Variants in DOP1B observed in about 807,000 individuals in gnomAD.
The protein encoded by DOP1B is protein DOP1B.
A neutral mutation model predicts 233.5 loss-of-function variants in DOP1B; 174 were observed. The ratio of observed to expected loss-of-function variants is 0.75; its 90% confidence interval spans 0.66 to 0.85. The LOEUF is 0.85. Ranked by LOEUF, DOP1B falls within the 40% of genes least tolerant of loss-of-function variation. DOP1B has a pLI of 0.00. For synonymous variants in DOP1B, 1,190 were observed against 1,185.6 expected (o/e 1.00, Z -0.08); for missense variants, 2,652 against 2,846.6 (o/e 0.93, Z 1.56).
At chr21:36,201,342 A>ATTT (rs1187890925) in intron 4 of DOP1B, among the ~76,000 whole-genome samples, 4 of 46,970 alleles carry the variant, frequency 8.5e-5, no homozygotes, top group Admixed American at 2.2e-4. Flanking sequence ...TATCTATTGG[A>ATTT]TTCTTTTTTT....
At chr21:36,283,156 A>G (rs2067437795) in intron 32 of DOP1B, among the ~76,000 whole-genome samples, 1 of 151,500 alleles carries the variant, frequency 6.6e-6, no homozygotes, top group African/African-American at 2.4e-5. Context: ...GTCTCGCCTC[A>G]TTGAAACCTC....
intron 2 of DOP1B, among the ~76,000 whole-genome samples, chr21:36,183,417 C>G (rs1276356501): frequency 1.3e-5 from 2 of 152,222 alleles, no homozygotes; most frequent in African/African-American, 4.8e-5. Context: ...TTCTTTACAG[C>G]CACACATGTC....
chr21:36,255,137 T>A (rs941811866), intron 23 of DOP1B, among the ~76,000 whole-genome samples: 36 of 151,694 alleles, frequency 2.4e-4, no homozygotes, highest in Non-Finnish European at 4.0e-4. Context: ...TGTTTTGTTT[T>A]GTTTAGTTTT....
intron 30 of DOP1B, among the ~76,000 whole-genome samples, chr21:36,278,993 G>A (rs2067384964): frequency 1.3e-5 from 2 of 152,012 alleles, no homozygotes; most frequent in South Asian, 2.1e-4. Context: ...TGACCCTGGG[G>A]GTGTCTTTAC....
chr21:36,178,118 G>A (rs376118964), intron 2 of DOP1B, among the ~76,000 whole-genome samples: 18 of 152,254 alleles, frequency 1.2e-4, no homozygotes, highest in African/African-American at 4.1e-4. Flanking sequence ...GTATATCAAG[G>A]TAGGATCTTT....
intron 2 of DOP1B, among the ~76,000 whole-genome samples, chr21:36,193,088 G>A (rs1601399790): frequency 1.3e-5 from 2 of 152,284 alleles, no homozygotes; most frequent in Middle Eastern, 6.8e-3. Flanking sequence ...GTTGTCTTTG[G>A]GTACAGGGCA....
Position 36,245,411 on chromosome 21 carries a change from G to T in DOP1B, c.3431G>T (p.Cys1144Phe). 1 of 1,614,048 alleles carries T rather than the reference G, an allele frequency of 6.2e-7. No individual in the cohort carries two copies. Among genetic ancestry groups the T allele is most frequent in the East Asian group, 2.2e-5 (1 of 44,886 alleles). The part of the protein sequence containing the change: ...DLQELSNEEN[C>F]CAPIPMGGRA... Reference sequence around the variant, plus strand: ...CAGGAGCTGAGCAACGAAGAGAACTGCTGTGCACCCATCCCCATGGGGGGC... The same window carrying T: ...CAGGAGCTGAGCAACGAAGAGAACTTCTGTGCACCCATCCCCATGGGGGGC... The change falls in exon 19 of 37, where the codon TGC becomes TTC. Residue 1144 changes from cysteine to phenylalanine, a missense_variant. Cys to Phe is a radical substitution (Grantham distance 205). This residue lies in a region of DOP1B where 2,617 missense variants were observed against 2,794.3 expected (regional missense o/e 0.94). Transcript: ENST00000691173. The surrounding 1 kb of genome is among the most constrained non-coding windows in gnomAD (Gnocchi z 5.5).
chr21:36,180,765 C>T (rs922002016), intron 2 of DOP1B, among the ~76,000 whole-genome samples: 1 of 151,978 alleles, frequency 6.6e-6, no homozygotes, highest in South Asian at 2.1e-4. Flanking sequence ...CCTGTAATCC[C>T]AGCTACTTGA....
rs2067584254 is a variant in DOP1B at position 36,293,649 on chromosome 21, G to A, written c.*78G>A. 6.7e-7 allele frequency: 1 copy of A among 1,487,188 alleles called. No individual in the cohort carries two copies. The highest frequency in any genetic ancestry group is 9.2e-7 in the Non-Finnish European group (1 of 1,083,820). The allele number at this position is 1,487,188 out of a possible 1,614,324, so 92.1% of individuals were successfully genotyped here. A position where few individuals can be genotyped will look rare whatever the true frequency, so the allele number is the denominator to read the frequency against. On this transcript the variant is annotated 3_prime_UTR_variant, in exon 37 of 37. Coordinates refer to ENST00000691173, the MANE Select transcript of DOP1B (RefSeq NM_001320714.2). ...AGGTTATATTCTAAAGAAGAAAGAAGGCAGGATAGTGCTTTTGAACAAGCC... is the reference window on the plus strand; with the variant it reads ...AGGTTATATTCTAAAGAAGAAAGAAAGCAGGATAGTGCTTTTGAACAAGCC...
chr21:36,241,570 G>A (rs2066891914), intron 18 of DOP1B, among the ~76,000 whole-genome samples: 2 of 137,218 alleles, frequency 1.5e-5, no homozygotes, highest in Admixed American at 7.7e-5. Context: ...GTGCAGTGGT[G>A]CAATCTCGGC....
intron 14 of DOP1B, among the ~76,000 whole-genome samples, chr21:36,231,655 GT>G (rs1168419039): frequency 6.7e-6 from 1 of 149,148 alleles, no homozygotes; most frequent in Non-Finnish European, 1.5e-5. Flanking sequence ...TGTTGATAAA[GT>G]TTTTTTTGTG....
In DOP1B at chr21:36,245,992, A is replaced by C; in HGVS notation, c.4012A>C (p.Ile1338Leu). 1 of 1,614,082 alleles carries C rather than the reference A, an allele frequency of 6.2e-7. No homozygotes were observed. Among genetic ancestry groups the C allele is most frequent in the East Asian group, 2.2e-5 (1 of 44,866 alleles). The change falls in exon 19 of 37, where the codon ATT becomes CTT. Residue 1338 changes from isoleucine to leucine, a missense_variant. Ile to Leu is a conservative substitution (Grantham distance 5, BLOSUM62 2). This residue lies in a region of DOP1B where 2,617 missense variants were observed against 2,794.3 expected (regional missense o/e 0.94). Coordinates refer to ENST00000691173, the MANE Select transcript of DOP1B (RefSeq NM_001320714.2). The surrounding 1 kb of genome is among the most constrained non-coding windows in gnomAD (Gnocchi z 5.5). Reference sequence around the variant, plus strand: ...CTATTTGAAGGTCTCGCACCGAGACATTCTCGGCAACCGGGACGTGCAGGT... The same window carrying C: ...CTATTTGAAGGTCTCGCACCGAGACCTTCTCGGCAACCGGGACGTGCAGGT... The part of the protein sequence containing the change: ...PCYLKVSHRD[I>L]LGNRDVQVKS...
rs770065344 is a variant in DOP1B at position 36,211,572 on chromosome 21, C to G, written c.701C>G (p.Ser234Cys). The change falls in exon 6 of 37, where the codon TCC becomes TGC. Residue 234 changes from serine to cysteine, a missense_variant. Physicochemically the swap from Ser to Cys is moderately radical, Grantham distance 112. Transcript: ENST00000691173. ...HQLTVKSLRASLLDSNVLVQR... is the reference protein window; with the variant it reads ...HQLTVKSLRACLLDSNVLVQR... ...TTACAGGTGAAGTCTTTGCGTGCCT[C>G]CCTGTTGGACTCAAATGTTCTTGTG... The G allele has an allele frequency of 1.2e-6, 2 of 1,614,152 alleles. No homozygotes were observed. The highest frequency in any genetic ancestry group is 2.2e-5 in the South Asian group (2 of 91,082).
intron 26 of DOP1B, among the ~76,000 whole-genome samples, chr21:36,266,871 G>A (rs376795555): frequency 3.3e-5 from 5 of 152,150 alleles, no homozygotes; most frequent in African/African-American, 9.7e-5. Flanking sequence ...TATCACACCC[G>A]TCCACTCAGT....
intron 17 of DOP1B, among the ~76,000 whole-genome samples, chr21:36,239,444 G>C (rs2066866366): frequency 6.6e-6 from 1 of 152,224 alleles, no homozygotes; most frequent in Non-Finnish European, 1.5e-5. Flanking sequence ...GAGTGCCTCT[G>C]AAACTCTAGG....
chr21:36,204,656 C>CTCTTTTTTTT (rs1255662240), intron 4 of DOP1B, among the ~76,000 whole-genome samples: 1 of 53,816 alleles, frequency 1.9e-5, no homozygotes, highest in African/African-American at 1.3e-4. Context: ...GCTGACATTT[C>CTCTTTTTTTT]TATTTTTTTT....
intron 2 of DOP1B, among the ~76,000 whole-genome samples, chr21:36,166,823 G>A (rs1011220160): frequency 6.6e-6 from 1 of 152,210 alleles, no homozygotes; most frequent in Non-Finnish European, 1.5e-5. Flanking sequence ...TGGCTATCAG[G>A]CACGCTGCAG....
At chr21:36,176,810 C>A (rs969296124) in intron 2 of DOP1B, among the ~76,000 whole-genome samples, 4 of 151,620 alleles carry the variant, frequency 2.6e-5, no homozygotes, top group African/African-American at 7.3e-5. Context: ...CGTTTTTTTC[C>A]CTCCCCTCCC....
chr21:36,235,768 G>T (rs184725944), intron 15 of DOP1B, among the ~76,000 whole-genome samples: 1 of 149,678 alleles, frequency 6.7e-6, no homozygotes, highest in East Asian at 2.0e-4. Flanking sequence ...ATTTGTGATC[G>T]GCATCAACTC....
Sources: allele counts gnomAD v4.1 joint callset (sites outside exome capture counted in the v4.1 genomes callset), GRCh38; gene constraint gnomAD v4.1.1; regional missense constraint gnomAD v4.1.1; non-coding constraint Gnocchi (gnomAD v3.1); transcripts MANE v1.5; gene names NCBI Gene and HGNC (gene_info 2026-07-23, HGNC 2026-07-21).